EMB: variants seen among roughly 807,000 people sequenced by gnomAD.
The protein encoded by EMB is embigin, also known as embigin homolog.
EMB carries 31 observed loss-of-function variants against 41.4 expected under a neutral mutation model. That is an observed-to-expected ratio of 0.75 (90% CI 0.56 to 1.01). EMB has a LOEUF of 1.01. EMB is among the 50% of genes least tolerant of loss of function. The probability of loss-of-function intolerance (pLI) is 0.00; values close to 1 mark genes in which losing one functional copy is unlikely to be tolerated. For synonymous variants in EMB, 137 were observed against 140.4 expected (o/e 0.98, Z 0.17); for missense variants, 379 against 388.3 (o/e 0.98, Z 0.20).
chr5:50,441,639 C>T (rs1043055833), upstream of EMB, among the ~76,000 whole-genome samples: 1 of 152,124 alleles, frequency 6.6e-6, no homozygotes, highest in Non-Finnish European at 1.5e-5. Flanking sequence ...GGCTTTCTTA[C>T]GAGGGAGGCT....
rs143950595 is a variant in EMB at position 50,434,695 on chromosome 5, C to T, written c.112+6345G>A. ...GATTAGGGACACATTAGTACAATAA[C>T]CTCAATAACTTCAAAAATGCCAGGA... On this transcript the variant is annotated intron_variant, in intron 1 of 8. Transcript: ENST00000303221. Among the ~76,000 whole-genome samples, 604 of 152,220 alleles carry T rather than the reference C, an allele frequency of 4.0e-3. 1 individual carries two copies. The highest frequency in any genetic ancestry group is 0.014 in the African/African-American group (575 of 41,532).
rs115797280 is a variant in EMB at position 50,416,914 on chromosome 5, C to A, written c.197-5531G>T. Among the ~76,000 whole-genome samples, 775 of 152,224 alleles carry A rather than the reference C, an allele frequency of 5.1e-3. 3 individuals carry two copies. The highest frequency in any genetic ancestry group is 8.3e-3 in the Non-Finnish European group (564 of 68,010). On this transcript the variant is annotated intron_variant, in intron 2 of 8. Transcript: ENST00000303221. ...TCTGTTTTCTAGAAATTTCTGAATA[C>A]CTTGTCCCTTAATTTGCACATAATT...
chr5:50,440,909 C>T (rs1745897773), intron 1 of EMB, 131 bp downstream of exon 1: 1 of 543,828 alleles, frequency 1.8e-6, no homozygotes, highest in Non-Finnish European at 2.9e-6. Context: ...CTCTCCCACC[C>T]GCCCTTACCA....
chr5:50,437,051 G>A (rs138562578), intron 1 of EMB, among the ~76,000 whole-genome samples: 192 of 152,208 alleles, frequency 1.3e-3, no homozygotes, highest in African/African-American at 4.4e-3. Flanking sequence ...CAGGAAGATC[G>A]CTTGAGCCTA....
intron 5 of EMB, among the ~76,000 whole-genome samples, chr5:50,405,458 GA>G (rs1398968362): frequency 1.3e-5 from 2 of 151,816 alleles, no homozygotes; most frequent in African/African-American, 4.8e-5. Flanking sequence ...TCTTTTCAAA[GA>G]ATGTAATTAA....
At chr5:50,418,680 G>T (rs1299273195) in intron 2 of EMB, among the ~76,000 whole-genome samples, 1 of 151,978 alleles carries the variant, frequency 6.6e-6, no homozygotes, top group South Asian at 2.1e-4. Flanking sequence ...TTTATTCTAG[G>T]CCCTAGTATC....
intron 2 of EMB, among the ~76,000 whole-genome samples, chr5:50,413,937 G>T (rs1402873082): frequency 6.6e-6 from 1 of 151,984 alleles, no homozygotes; most frequent in African/African-American, 2.4e-5. Context: ...TATGTTTGGG[G>T]CACCTGAAGA....
At chr5:50,405,177 A>G (rs1745228073) in intron 5 of EMB, among the ~76,000 whole-genome samples, 1 of 151,988 alleles carries the variant, frequency 6.6e-6, no homozygotes. Context: ...TCAGTAAAAA[A>G]GGAATTAAAA....
chr5:50,413,213 A>G (rs1274290537), intron 2 of EMB, among the ~76,000 whole-genome samples: 2 of 152,248 alleles, frequency 1.3e-5, no homozygotes, highest in African/African-American at 2.4e-5. Flanking sequence ...GAGAAAATAA[A>G]CGTTCTCTTT....
Position 50,411,229 on chromosome 5 carries a change from A to C in EMB, c.351T>G (p.Ser117Arg), listed in dbSNP as rs1745331744. The change falls in exon 3 of 9, where the codon AGT becomes AGG. Residue 117 changes from serine to arginine, a missense_variant. Coordinates refer to ENST00000303221, the MANE Select transcript of EMB (RefSeq NM_198449.3). ...GEQLENNYLVSATGSTLYTQY... is the reference protein window; with the variant it reads ...GEQLENNYLVRATGSTLYTQY... ...GGGTATACAAGGTGCTTCCTGTTGC[A>C]CTGACAAGATAATTATTCTCAAGTT... 2 of 1,612,722 alleles carry C rather than the reference A, an allele frequency of 1.2e-6. No individual in the cohort carries two copies. The highest frequency in any genetic ancestry group is 1.7e-6 in the Non-Finnish European group (2 of 1,179,194).
rs918336964 is a variant in EMB at position 50,410,901 on chromosome 5, G to T, written c.448C>A (p.Gln150Lys). Residue 150 changes from glutamine to lysine, a missense_variant, in exon 4 of 9, where the codon CAA becomes AAA. Transcript: ENST00000303221. Reference protein sequence around the residue: ...YSCFFREEKEQRGTFNFKVPE... With the variant: ...YSCFFREEKEKRGTFNFKVPE... ...CCTTTGAAATTAAATGTTCCCCTTT[G>T]TTCCTTTTCCTCTCGAAAGAAACAA... The T allele has an allele frequency of 1.9e-6, 3 of 1,603,116 alleles. No homozygotes were observed. Among genetic ancestry groups the T allele is most frequent in the Non-Finnish European group, 1.7e-6 (2 of 1,175,394 alleles).
intron 2 of EMB, among the ~76,000 whole-genome samples, chr5:50,420,402 C>G (rs1223811711): frequency 6.6e-6 from 1 of 152,210 alleles, no homozygotes; most frequent in Non-Finnish European, 1.5e-5. Flanking sequence ...ATGGTATCAA[C>G]TTCTAAGGTG....
chr5:50,428,359 T>C (rs1298017145), intron 1 of EMB, 132 bp from the exon 2 acceptor site: 3 of 1,248,028 alleles, frequency 2.4e-6, no homozygotes, highest in Non-Finnish European at 3.2e-6. Context: ...GCTCAAAGTC[T>C]TATATACTTC....
chr5:50,429,830 C>A (rs765048990), intron 1 of EMB, among the ~76,000 whole-genome samples: 10 of 152,016 alleles, frequency 6.6e-5, no homozygotes, highest in Non-Finnish European at 1.3e-4. Context: ...AGTATTCATT[C>A]ATTCATTAAT....
intron 4 of EMB, among the ~76,000 whole-genome samples, chr5:50,407,010 C>G (rs1472061675): frequency 6.6e-6 from 1 of 151,920 alleles, no homozygotes; most frequent in East Asian, 1.9e-4. Context: ...AGGGCAATGA[C>G]CTCAACAGCC....
At chr5:50,428,112 G>T (rs758755516) in intron 2 of EMB, 32 bp downstream of exon 2, 11 of 1,489,486 alleles carry the variant, frequency 7.4e-6, no homozygotes, top group South Asian at 1.2e-5. Context: ...CCTTTTTTTC[G>T]AATTGCATTA....
At chr5:50,410,774 A>G in intron 4 of EMB, 103 bp downstream of exon 4, 2 of 753,612 alleles carry the variant, frequency 2.7e-6, no homozygotes, top group Non-Finnish European at 2.0e-6. Flanking sequence ...TTTCAGCTAC[A>G]TTATGTTTAT....
rs893442296 is a variant in EMB, at chr5:50,428,152, G to T, written c.188C>A (p.Ser63Ter). 22 of 1,600,514 alleles carry T rather than the reference G, an allele frequency of 1.4e-5. No homozygotes were observed. In the Middle Eastern group the frequency reaches 9.9e-4, roughly 72 times the overall value. Residue 63 changes from serine to a stop codon, truncating the protein, a stop_gained, in exon 2 of 9, where the codon TCA (serine) becomes TAA (stop). Coordinates refer to ENST00000303221, the MANE Select transcript of EMB (RefSeq NM_198449.3). LOFTEE classifies it high-confidence loss of function. ...AAACATGATACATTTACCAGTCAGT[G>T]ATATGTTATGACTCTCCAAGGAAAA... ...NNFSLESHNI[S>*]LTEHSSMPVE...
chr5:50,412,226 TAC>T (rs1334947033), intron 2 of EMB, among the ~76,000 whole-genome samples: 1 of 135,028 alleles, frequency 7.4e-6, no homozygotes, highest in Non-Finnish European at 1.5e-5. Flanking sequence ...TTGAAAACAA[TAC>T]ACACACACAC....
Sources: gnomAD v4.1 joint callset for allele counts (sites outside exome capture counted in the v4.1 genomes callset) on GRCh38, gnomAD v4.1.1 for gene constraint, MANE v1.5 for transcripts, NCBI Gene and HGNC (gene_info 2026-07-23, HGNC 2026-07-21) for gene names.